GPC5: variants seen among roughly 807,000 people sequenced by gnomAD.
GPC5 encodes glypican 5.
GPC5 carries 47 observed loss-of-function variants against 53.9 expected under a neutral mutation model. The ratio of observed to expected loss-of-function variants is 0.87; its 90% CI spans 0.69 to 1.11. The LOEUF is 1.11. Among genes scored for constraint, GPC5 ranks in the 50% most tolerant of loss-of-function variants. GPC5 has a pLI of 0.00. For missense variants in GPC5, 748 were observed against 713.1 expected, an observed-to-expected ratio of 1.05 and a Z score of -0.56; for synonymous variants, 286 against 263.3, an observed-to-expected ratio of 1.09 and a Z score of -0.84.
At chr13:91,918,857 G>A (rs766186832) in intron 6 of GPC5, among the ~76,000 whole-genome samples, 11 of 151,708 alleles carry the variant, frequency 7.3e-5, no homozygotes, top group East Asian at 1.9e-4. Flanking sequence ...GGGTTCCCAC[G>A]CAGTCCCTTT....
intron 7 of GPC5, among the ~76,000 whole-genome samples, chr13:92,413,909 G>C (rs1462030342): frequency 6.6e-6 from 1 of 152,116 alleles, no homozygotes; most frequent in African/African-American, 2.4e-5. Context: ...TATTATGTGT[G>C]TTCTAAGGAT....
At chr13:92,471,724 A>G (rs764768783) in intron 7 of GPC5, among the ~76,000 whole-genome samples, 1 of 152,168 alleles carries the variant, frequency 6.6e-6, no homozygotes, top group Non-Finnish European at 1.5e-5. Context: ...AGTGACTTTA[A>G]GACAACTTTA....
intron 2 of GPC5, among the ~76,000 whole-genome samples, chr13:91,478,321 T>G (rs115712849): frequency 0.014 from 2,067 of 152,224 alleles, 57 homozygotes; most frequent in African/African-American, 0.047. Context: ...TTTTCCAAAA[T>G]TACAAATGTT....
At chr13:92,794,329 A>C (rs549425080) in intron 7 of GPC5, among the ~76,000 whole-genome samples, 63 of 152,304 alleles carry the variant, frequency 4.1e-4, no homozygotes, top group African/African-American at 1.4e-3. Context: ...GGCAAAACTC[A>C]ACAGCCCTTC....
At chr13:92,375,557 G>A (rs2043687492) in intron 7 of GPC5, among the ~76,000 whole-genome samples, 1 of 152,120 alleles carries the variant, frequency 6.6e-6, no homozygotes, top group Non-Finnish European at 1.5e-5. Context: ...GTTTCTCGCT[G>A]TATCAATCAT....
intron 7 of GPC5, among the ~76,000 whole-genome samples, chr13:92,389,656 G>C (rs1874905617): frequency 6.6e-6 from 1 of 152,100 alleles, no homozygotes; most frequent in African/African-American, 2.4e-5. Flanking sequence ...CTAACTACTA[G>C]TAGGGAGACT....
chr13:91,452,780 A>G (rs1225497791), intron 2 of GPC5, among the ~76,000 whole-genome samples: 3 of 152,078 alleles, frequency 2.0e-5, no homozygotes, highest in South Asian at 2.1e-4. Flanking sequence ...ATTTGTAACT[A>G]TGCAAAAATT....
intron 6 of GPC5, among the ~76,000 whole-genome samples, chr13:91,997,767 G>T (rs538833826): frequency 6.6e-6 from 1 of 152,080 alleles, no homozygotes; most frequent in African/African-American, 2.4e-5. Flanking sequence ...TGATCTGCCC[G>T]CCTCAGCCTC....
At chr13:92,438,801 G>A (rs746787641) in intron 7 of GPC5, among the ~76,000 whole-genome samples, 4 of 152,008 alleles carry the variant, frequency 2.6e-5, no homozygotes, top group Non-Finnish European at 5.9e-5. Context: ...TGTGAAGGAG[G>A]AAAGGAGGTC....
intron 7 of GPC5, among the ~76,000 whole-genome samples, chr13:92,740,551 A>T (rs1010592738): frequency 1.3e-5 from 2 of 152,054 alleles, no homozygotes; most frequent in Non-Finnish European, 2.9e-5. Flanking sequence ...GTATGTATAG[A>T]ACATGTTGAG....
intron 7 of GPC5, among the ~76,000 whole-genome samples, chr13:92,422,634 C>T (rs1345244864): frequency 6.6e-6 from 1 of 152,086 alleles, no homozygotes; most frequent in Non-Finnish European, 1.5e-5. Flanking sequence ...CTGTCTTCTT[C>T]CCATATTAGG....
chr13:92,571,601 A>G lies in GPC5; in HGVS notation c.1562-294681A>G, dbSNP rs534205758. Among the ~76,000 whole-genome samples the G allele has an allele frequency of 3.9e-5, 6 of 152,288 alleles. No homozygotes were observed. In the East Asian group the frequency reaches 1.2e-3, roughly 29 times the overall value. ...TTCAAGGATTACTTTTAATATTACA[A>G]AAGTGCCTTTCCGGTATCAGTGTGC... On this transcript the variant is annotated intron_variant, in intron 7 of 7. Transcript: ENST00000377067.
chr13:92,386,876 C>T (rs1289061260), intron 7 of GPC5, among the ~76,000 whole-genome samples: 2 of 152,028 alleles, frequency 1.3e-5, no homozygotes, highest in Non-Finnish European at 2.9e-5. Context: ...AAAATAGAAT[C>T]TCAGGTTATT....
intron 7 of GPC5, among the ~76,000 whole-genome samples, chr13:92,164,597 G>C (rs536041815): frequency 2.0e-5 from 3 of 152,166 alleles, no homozygotes; most frequent in Non-Finnish European, 4.4e-5. Context: ...TCACAGGCTG[G>C]TGTTGAGTGT....
intron 7 of GPC5, among the ~76,000 whole-genome samples, chr13:92,185,741 A>C (rs2042179285): frequency 6.6e-6 from 1 of 152,160 alleles, no homozygotes. Context: ...GTTCTACATC[A>C]TTGTCAATTA....
At chr13:92,709,061 T>C (rs1888046933) in intron 7 of GPC5, among the ~76,000 whole-genome samples, 1 of 151,240 alleles carries the variant, frequency 6.6e-6, no homozygotes, top group South Asian at 2.1e-4. Context: ...TTTTTGTTGT[T>C]GTTGAGACAG....
chr13:91,429,022 C>A (rs1384832994), intron 1 of GPC5, among the ~76,000 whole-genome samples: 3 of 152,096 alleles, frequency 2.0e-5, no homozygotes, highest in Non-Finnish European at 4.4e-5. Flanking sequence ...TGGGTTCAAG[C>A]AATTCTCATG....
intron 7 of GPC5, chr13:92,658,924 G>GTTTTTTTTTTTTTTTTTTTTTTTTTT (rs71123426): frequency 1.2e-5 from 1 of 85,594 alleles, no homozygotes; most frequent in Non-Finnish European, 2.2e-5. Context: ...TATATGTTTT[G>GTTTTTTTTTTTTTTTTTTTTTTTTTT]TTTTTTTTTT....
chr13:92,321,022 T>C (rs1260710305), intron 7 of GPC5, among the ~76,000 whole-genome samples: 2 of 150,330 alleles, frequency 1.3e-5, no homozygotes, highest in Non-Finnish European at 2.9e-5. Context: ...TTTTTTTTTC[T>C]TTCATACAAT....
Sources: gnomAD v4.1 joint callset for allele counts (sites outside exome capture counted in the v4.1 genomes callset) on GRCh38, gnomAD v4.1.1 for gene constraint, MANE v1.5 for transcripts, NCBI Gene and HGNC (gene_info 2026-07-23, HGNC 2026-07-21) for gene names.